MTUS2: variants seen among roughly 807,000 people sequenced by gnomAD.
MTUS2 encodes the protein microtubule associated scaffold protein 2, also known as microtubule-associated tumor suppressor candidate 2.
MTUS2 carries 40 observed loss-of-function variants against 114.1 expected under a neutral mutation model. The ratio of observed to expected loss-of-function variants is 0.35; its 90% CI spans 0.27 to 0.46. The LOEUF is 0.46. MTUS2 is among the 20% of genes least tolerant of loss of function. MTUS2 has a pLI of 1.00. For synonymous variants in MTUS2, 688 were observed against 672.0 expected, an observed-to-expected ratio of 1.02 and a Z score of -0.37; for missense variants, 1,679 against 1,705.4, an observed-to-expected ratio of 0.98 and a Z score of 0.27.
rs1034244235 is a variant in MTUS2, at chr13:29,278,718, TTCACTG to T, written c.2645-2982_2645-2977del. 8.1e-4 allele frequency among the ~76,000 whole-genome samples: 123 copies of T among 152,346 alleles called. 1 individual carries two copies. Among genetic ancestry groups the T allele is most frequent in the African/African-American group, 2.7e-3 (114 of 41,588 alleles). On this transcript the variant is annotated intron_variant, in intron 5 of 15. Transcript: ENST00000612955. The stretch of plus-strand genomic sequence containing the variant: ...AAACTTCCCTGTGTCACAGCAGTTT[TTCACTG>T]TCAGTGGAATTGATGATGTTTCATA...
At chr13:29,422,922 G>A (rs924920643) in intron 8 of MTUS2, among the ~76,000 whole-genome samples, 1 of 152,056 alleles carries the variant, frequency 6.6e-6, no homozygotes, top group Admixed American at 6.5e-5. Context: ...GAGTCACCAC[G>A]CCCAGCCCAT....
At chr13:28,970,722 GC>G (rs1883817427) in intron 2 of MTUS2, among the ~76,000 whole-genome samples, 1 of 152,186 alleles carries the variant, frequency 6.6e-6, no homozygotes, top group Non-Finnish European at 1.5e-5. Context: ...GCCCTCAGAT[GC>G]CATATTCCCC....
chr13:28,943,822 G>A (rs542664608), intron 2 of MTUS2, among the ~76,000 whole-genome samples: 1 of 152,256 alleles, frequency 6.6e-6, no homozygotes, highest in South Asian at 2.1e-4. Flanking sequence ...GGGCTCTGGA[G>A]GGCAGGGAAT....
At chr13:29,494,374 C>T (rs564016251) in intron 12 of MTUS2, among the ~76,000 whole-genome samples, 12 of 152,224 alleles carry the variant, frequency 7.9e-5, no homozygotes, top group Middle Eastern at 3.2e-3. Flanking sequence ...CAATAGCACA[C>T]TCTGTCCCTG....
chr13:29,420,181 A>G (rs374367608), intron 8 of MTUS2, among the ~76,000 whole-genome samples: 2 of 152,018 alleles, frequency 1.3e-5, no homozygotes, highest in African/African-American at 2.4e-5. Flanking sequence ...TCAAACTGAA[A>G]TCTATCCTGA....
At chr13:29,231,693 A>G (rs889031561) in intron 5 of MTUS2, among the ~76,000 whole-genome samples, 2 of 152,194 alleles carry the variant, frequency 1.3e-5, no homozygotes, top group African/African-American at 4.8e-5. Context: ...TGCAACAGCT[A>G]TTTGTTCACA....
chr13:29,015,840 T>C (rs903196750), intron 2 of MTUS2, among the ~76,000 whole-genome samples: 14 of 152,040 alleles, frequency 9.2e-5, no homozygotes, highest in African/African-American at 3.4e-4. Flanking sequence ...TCCATGTGTA[T>C]AAAAACAAAA....
chr13:29,320,202 A>T (rs551588397), intron 6 of MTUS2, among the ~76,000 whole-genome samples: 1 of 152,270 alleles, frequency 6.6e-6, no homozygotes, highest in South Asian at 2.1e-4. Context: ...GGAAGCAGGG[A>T]TCGGAGTGAT....
At chr13:29,230,709 T>G (rs1257505839) in intron 5 of MTUS2, among the ~76,000 whole-genome samples, 1 of 152,244 alleles carries the variant, frequency 6.6e-6, no homozygotes, top group African/African-American at 2.4e-5. Flanking sequence ...GAGTTAAGGC[T>G]TCAACTTCAC....
At chr13:28,895,826 T>A (rs1879232642) in intron 2 of MTUS2, among the ~76,000 whole-genome samples, 1 of 152,196 alleles carries the variant, frequency 6.6e-6, no homozygotes, top group Non-Finnish European at 1.5e-5. Flanking sequence ...CATTTCTTAG[T>A]TGCACAGCCA....
At chr13:29,121,670 T>G (rs1169533615) in intron 5 of MTUS2, among the ~76,000 whole-genome samples, 1 of 151,450 alleles carries the variant, frequency 6.6e-6, no homozygotes, top group African/African-American at 2.4e-5. Flanking sequence ...TTTTTTTTTT[T>G]TTTGATACAG....
intron 2 of MTUS2, among the ~76,000 whole-genome samples, chr13:29,010,922 G>A (rs1243708597): frequency 6.6e-6 from 1 of 152,058 alleles, no homozygotes; most frequent in Non-Finnish European, 1.5e-5. Flanking sequence ...AGCTGCCCCT[G>A]GGAGAGGTGC....
At chr13:29,203,083 C>T (rs1032257604) in intron 5 of MTUS2, among the ~76,000 whole-genome samples, 2 of 152,220 alleles carry the variant, frequency 1.3e-5, no homozygotes, top group Admixed American at 6.5e-5. Flanking sequence ...ACAGGAACAA[C>T]GTTTAAGTCT....
In MTUS2 at chr13:29,408,292, G is replaced by A. The variant is rs992137606; in HGVS notation, c.3118-31691G>A. Among the ~76,000 whole-genome samples the A allele has an allele frequency of 7.9e-5, 12 of 151,724 alleles. No individual in the cohort carries two copies. The East Asian group carries it at 2.3e-3, about 29-fold the overall frequency. ...ATATTTTGTTATAATCTTTTTAAAT[G>A]TTTTAACATGTTTAATTTCAGGTTT... is the stretch of plus-strand genomic sequence containing the variant. On this transcript the variant is annotated intron_variant, in intron 8 of 15. Coordinates refer to ENST00000612955, the MANE Select transcript of MTUS2 (RefSeq NM_001033602.4).
intron 8 of MTUS2, among the ~76,000 whole-genome samples, chr13:29,368,140 A>G (rs1045381172): frequency 5.3e-5 from 8 of 151,658 alleles, no homozygotes; most frequent in Non-Finnish European, 1.0e-4. Context: ...GGGTTTCACC[A>G]TGTTAGCCAG....
intron 1 of MTUS2, among the ~76,000 whole-genome samples, chr13:28,834,119 A>G (rs1398622645): frequency 2.0e-5 from 3 of 152,116 alleles, no homozygotes; most frequent in Non-Finnish European, 4.4e-5. Flanking sequence ...TGCAGATTTA[A>G]TGTAATCGCT....
At chr13:29,422,085 A>G (rs185874283) in intron 8 of MTUS2, among the ~76,000 whole-genome samples, 1 of 152,288 alleles carries the variant, frequency 6.6e-6, no homozygotes, top group East Asian at 1.9e-4. Context: ...TATATGTCTG[A>G]ATTTCCTTTT....
intron 2 of MTUS2, among the ~76,000 whole-genome samples, chr13:28,920,543 A>G (rs549575802): frequency 6.6e-6 from 1 of 152,230 alleles, no homozygotes; most frequent in Non-Finnish European, 1.5e-5. Flanking sequence ...AAGGCCCACT[A>G]TAACCACTAC....
chr13:29,453,067 C>A (rs1444810255), intron 9 of MTUS2, among the ~76,000 whole-genome samples: 1 of 152,138 alleles, frequency 6.6e-6, no homozygotes, highest in African/African-American at 2.4e-5. Context: ...AAATCACATA[C>A]CTATTAAGAA....
Sources: gnomAD v4.1 joint callset for allele counts (sites outside exome capture counted in the v4.1 genomes callset) on GRCh38, gnomAD v4.1.1 for gene constraint, MANE v1.5 for transcripts, NCBI Gene and HGNC (gene_info 2026-07-23, HGNC 2026-07-21) for gene names.